Variants in FOCAD observed in about 807,000 individuals in gnomAD.
FOCAD encodes focadhesin.
In FOCAD, 198 loss-of-function variants were observed where a neutral mutation model predicts 225.6. The observed-to-expected ratio is 0.88, with a 90% CI of 0.78 to 0.99. The LOEUF is 0.99. Ranked by LOEUF, FOCAD falls within the 50% of genes least tolerant of loss-of-function variation. The pLI is 0.00. For synonymous variants in FOCAD, 897 were observed against 755.0 expected, an observed-to-expected ratio of 1.19 and a Z score of -3.08; for missense variants, 2,713 against 2,123.6, an observed-to-expected ratio of 1.28 and a Z score of -5.46.
chr9:20,842,248 A>C (rs1360410542), intron 15 of FOCAD, among the ~76,000 whole-genome samples: 1 of 151,810 alleles, frequency 6.6e-6, no homozygotes, highest in Non-Finnish European at 1.5e-5. Flanking sequence ...ATGCAGTGTA[A>C]GTGTCTATTA....
chr9:20,703,089 A>T (rs1824098239), intron 1 of FOCAD, among the ~76,000 whole-genome samples: 1 of 150,850 alleles, frequency 6.6e-6, no homozygotes, highest in Admixed American at 6.6e-5. Flanking sequence ...AGCAGAAATA[A>T]GTAAATGACA....
At chr9:20,755,623 CTG>C (rs1828980777) in intron 5 of FOCAD, among the ~76,000 whole-genome samples, 1 of 152,040 alleles carries the variant, frequency 6.6e-6, no homozygotes, top group South Asian at 2.1e-4. Context: ...CATACAAAAA[CTG>C]TGTGATAACT....
intron 2 of FOCAD, among the ~76,000 whole-genome samples, chr9:20,668,610 G>C (rs1169155424): frequency 1.3e-5 from 2 of 152,156 alleles, no homozygotes; most frequent in Admixed American, 6.5e-5. Flanking sequence ...TATGATTACA[G>C]GGCATGATGG....
intron 15 of FOCAD, among the ~76,000 whole-genome samples, chr9:20,858,305 T>TC (rs1415905735): frequency 2.6e-5 from 4 of 152,150 alleles, no homozygotes; most frequent in Non-Finnish European, 4.4e-5. Flanking sequence ...TTTCTTTTTT[T>TC]CATTAAATCT....
intron 18 of FOCAD, among the ~76,000 whole-genome samples, chr9:20,871,488 C>T (rs1431012357): frequency 6.6e-6 from 1 of 151,692 alleles, no homozygotes; most frequent in Non-Finnish European, 1.5e-5. Flanking sequence ...TAGTTTTACT[C>T]GCATTGACCT....
At chr9:20,803,719 T>C (rs1211490788) in intron 11 of FOCAD, among the ~76,000 whole-genome samples, 1 of 152,100 alleles carries the variant, frequency 6.6e-6, no homozygotes, top group East Asian at 2.0e-4. Flanking sequence ...GAACTTAATC[T>C]TGCAGACTTG....
chr9:20,849,604 C>A (rs1425754329), intron 15 of FOCAD, among the ~76,000 whole-genome samples: 2 of 151,690 alleles, frequency 1.3e-5, no homozygotes, highest in Non-Finnish European at 2.9e-5. Flanking sequence ...GATTTGGGTC[C>A]AAAGAGTTAG....
At chr9:20,711,580 A>G (rs1383456290) in intron 1 of FOCAD, among the ~76,000 whole-genome samples, 1 of 152,212 alleles carries the variant, frequency 6.6e-6, no homozygotes, top group Non-Finnish European at 1.5e-5. Context: ...GAAGAGGAAT[A>G]GTAACCTCTG....
intron 19 of FOCAD, among the ~76,000 whole-genome samples, chr9:20,880,561 A>C (rs147731401): frequency 1.3e-5 from 2 of 152,306 alleles, no homozygotes; most frequent in Admixed American, 1.3e-4. Flanking sequence ...AGCAGGGTTG[A>C]GAAGGATAGA....
chr9:20,925,749 CTCT>C (rs1203527194), intron 25 of FOCAD, among the ~76,000 whole-genome samples: 1 of 151,728 alleles, frequency 6.6e-6, no homozygotes, highest in Admixed American at 6.6e-5. Context: ...TGTTCTCTTC[CTCT>C]TCTTTTTCAA....
chr9:20,754,787 C>A (rs767003829), intron 5 of FOCAD, among the ~76,000 whole-genome samples: 3 of 152,204 alleles, frequency 2.0e-5, no homozygotes, highest in South Asian at 4.2e-4. Flanking sequence ...TAGGACAACC[C>A]ACACAATAAA....
chr9:20,756,169 G>T (rs142205871), intron 5 of FOCAD, among the ~76,000 whole-genome samples: 1 of 152,248 alleles, frequency 6.6e-6, no homozygotes, highest in East Asian at 1.9e-4. Context: ...CTGAGTTTTG[G>T]CATAAAAAGT....
chr9:20,934,845 A>C (rs1240982998), intron 28 of FOCAD, among the ~76,000 whole-genome samples: 1 of 145,070 alleles, frequency 6.9e-6, no homozygotes, highest in Admixed American at 7.0e-5. Flanking sequence ...GAATCAAATC[A>C]AGAACCCCAC....
chr9:20,756,566 G>A (rs2130881325), intron 5 of FOCAD, among the ~76,000 whole-genome samples: 1 of 152,258 alleles, frequency 6.6e-6, no homozygotes, highest in South Asian at 2.1e-4. Flanking sequence ...TAACAGACCT[G>A]GGCATTAGTA....
intron 35 of FOCAD, among the ~76,000 whole-genome samples, chr9:20,956,573 T>C (rs554250348): frequency 6.6e-6 from 1 of 152,310 alleles, no homozygotes; most frequent in Admixed American, 6.5e-5. Flanking sequence ...GTAATGACTT[T>C]ACATGCAAAT....
At chr9:20,777,425 C>T (rs1818877639) in intron 8 of FOCAD, among the ~76,000 whole-genome samples, 1 of 149,488 alleles carries the variant, frequency 6.7e-6, no homozygotes, top group Admixed American at 6.7e-5. Flanking sequence ...TGCCATAATA[C>T]ATTAAGATTT....
intron 35 of FOCAD, among the ~76,000 whole-genome samples, chr9:20,960,113 C>G (rs78089678): frequency 6.6e-6 from 1 of 152,122 alleles, no homozygotes; most frequent in African/African-American, 2.4e-5. Flanking sequence ...ATTTATTGGT[C>G]TCTTTGGTCT....
At chr9:20,986,721 A>C (rs775715909) in intron 40 of FOCAD, among the ~76,000 whole-genome samples, 5 of 152,194 alleles carry the variant, frequency 3.3e-5, no homozygotes, top group Non-Finnish European at 7.3e-5. Flanking sequence ...CACAGTTACA[A>C]ACAAGTTAGC....
chr9:20,855,372 C>T (rs1828066892), intron 15 of FOCAD, among the ~76,000 whole-genome samples: 1 of 151,480 alleles, frequency 6.6e-6, no homozygotes, highest in South Asian at 2.1e-4. Context: ...TCATGAAAAA[C>T]CTTGAAAGCC....
Sources: gnomAD v4.1 joint callset for allele counts (sites outside exome capture counted in the v4.1 genomes callset) on GRCh38, gnomAD v4.1.1 for gene constraint, MANE v1.5 for transcripts, NCBI Gene and HGNC (gene_info 2026-07-23, HGNC 2026-07-21) for gene names.